Variants in HACD2 observed in about 807,000 individuals in gnomAD.
The protein encoded by HACD2 is 3-hydroxyacyl-CoA dehydratase 2, also known as very-long-chain (3R)-3-hydroxyacyl-CoA dehydratase 2.
In HACD2, 15 loss-of-function variants were observed where a neutral mutation model predicts 31.0. The observed-to-expected ratio is 0.48, with a 90% CI of 0.32 to 0.75. The LOEUF (loss-of-function observed/expected upper bound fraction) is 0.75. HACD2 is among the 30% of genes least tolerant of loss of function. The pLI is 0.03. For missense variants in HACD2, 283 were observed against 313.0 expected, an observed-to-expected ratio of 0.90 and a Z score of 0.72; for synonymous variants, 115 against 122.2, an observed-to-expected ratio of 0.94 and a Z score of 0.39.
intron 2 of HACD2, among the ~76,000 whole-genome samples, chr3:123,571,776 T>C (rs897550120): frequency 6.6e-6 from 1 of 152,232 alleles, no homozygotes; most frequent in Non-Finnish European, 1.5e-5. Context: ...AGCTAATCGA[T>C]GAGCATTGTT....
chr3:123,543,473 G>A (rs2056518190), intron 3 of HACD2, among the ~76,000 whole-genome samples: 1 of 152,106 alleles, frequency 6.6e-6, no homozygotes, highest in South Asian at 2.1e-4. Flanking sequence ...AGGAAAAACT[G>A]TTACCTCTGA....
At chr3:123,574,379 T>C (rs2056886571) in intron 2 of HACD2, among the ~76,000 whole-genome samples, 1 of 152,250 alleles carries the variant, frequency 6.6e-6, no homozygotes, top group African/African-American at 2.4e-5. Flanking sequence ...ATTGTTAGAC[T>C]TTAGTTTTTA....
intron 2 of HACD2, among the ~76,000 whole-genome samples, chr3:123,580,619 A>G (rs1054673718): frequency 2.6e-5 from 4 of 151,842 alleles, no homozygotes; most frequent in African/African-American, 9.7e-5. Context: ...CCCTGTCTCT[A>G]TGAAGTTTTA....
Position 123,526,513 on chromosome 3 carries a change from T to C in HACD2, c.381+1873A>G, listed in dbSNP as rs116464995. On this transcript the variant is annotated intron_variant, in intron 4 of 6. Coordinates refer to ENST00000383657, the MANE Select transcript of HACD2 (RefSeq NM_198402.5). ...GTACTACATACTTCAGAAAATGATA[T>C]GCCTTTTCTTTTTCTTTTCCTTTTT... Among the ~76,000 whole-genome samples the C allele has an allele frequency of 1.7e-4, 26 of 151,450 alleles. 1 individual carries two copies. Among genetic ancestry groups the C allele is most frequent in the African/African-American group, 3.1e-4 (13 of 41,358 alleles).
chr3:123,543,411 G>A (rs1470471677), intron 3 of HACD2, among the ~76,000 whole-genome samples: 1 of 149,862 alleles, frequency 6.7e-6, no homozygotes, highest in Non-Finnish European at 1.5e-5. Flanking sequence ...GTAAATCAAG[G>A]GAAAGAATCA....
chr3:123,514,698 C>T (rs1263570909), intron 4 of HACD2, among the ~76,000 whole-genome samples: 4 of 152,022 alleles, frequency 2.6e-5, no homozygotes, highest in South Asian at 2.1e-4. Context: ...GTAAACAAGC[C>T]GAAGACAAGG....
At chr3:123,521,584 C>A (rs1472895046) in intron 4 of HACD2, among the ~76,000 whole-genome samples, 4 of 149,120 alleles carry the variant, frequency 2.7e-5, no homozygotes. Context: ...GATTTTAGCC[C>A]TTGAGGTGAG....
chr3:123,580,018 G>A (rs1322659845), intron 2 of HACD2, among the ~76,000 whole-genome samples: 1 of 151,944 alleles, frequency 6.6e-6, no homozygotes, highest in Non-Finnish European at 1.5e-5. Flanking sequence ...AAATAAAAAG[G>A]TACTCAGGCT....
At chr3:123,497,025 C>A (rs932695747) in intron 6 of HACD2, among the ~76,000 whole-genome samples, 5 of 152,224 alleles carry the variant, frequency 3.3e-5, no homozygotes, top group African/African-American at 1.2e-4. Context: ...AGAGATTCCT[C>A]AGTACCCAGA....
rs1162315795 is a variant in HACD2 at position 123,493,307 on chromosome 3, G to A, written c.*1581C>T. The A allele has an allele frequency of 6.6e-6, 1 of 152,180 alleles. No individual in the cohort carries two copies. Among genetic ancestry groups the A allele is most frequent in the Non-Finnish European group, 1.5e-5 (1 of 68,048 alleles). The allele number at this position is 152,180 out of a possible 1,614,324, so 9.4% of individuals were successfully genotyped here. A position where few individuals can be genotyped will look rare whatever the true frequency, so the allele number is the denominator to read the frequency against. Reference sequence around the variant, plus strand: ...GGAGGTGGAGCTTGCAGTGAGCTGAGATCGCGCCACTGCACTCCAGCCTGG... The same window carrying A: ...GGAGGTGGAGCTTGCAGTGAGCTGAAATCGCGCCACTGCACTCCAGCCTGG... On this transcript the variant is annotated 3_prime_UTR_variant, in exon 7 of 7. Transcript: ENST00000383657.
chr3:123,500,782 T>C, intron 5 of HACD2, 89 bp from the exon 6 acceptor site: 3 of 705,392 alleles, frequency 4.3e-6, no homozygotes, highest in South Asian at 3.7e-5. Flanking sequence ...AGTACTGGTC[T>C]TTTAGAAAAT....
intron 3 of HACD2, among the ~76,000 whole-genome samples, chr3:123,555,415 C>T (rs978339565): frequency 6.6e-6 from 1 of 151,878 alleles, no homozygotes; most frequent in African/African-American, 2.4e-5. Context: ...GATATAAGAT[C>T]AATATATGAA....
chr3:123,551,464 A>T (rs56146489), intron 3 of HACD2, among the ~76,000 whole-genome samples: 32,104 of 151,768 alleles, frequency 0.21, 3,482 homozygotes, highest in East Asian at 0.26. Context: ...ACTAAAAAAA[A>T]ATATATAAAA....
At chr3:123,567,725 T>A in intron 3 of HACD2, 37 bp downstream of exon 3, 1 of 1,296,120 alleles carries the variant, frequency 7.7e-7, no homozygotes, top group East Asian at 2.7e-5. Flanking sequence ...ATAAGCAGAA[T>A]TCACTGTACA....
At chr3:123,582,805 A>G (rs932632655) in intron 1 of HACD2, among the ~76,000 whole-genome samples, 1 of 152,194 alleles carries the variant, frequency 6.6e-6, no homozygotes, top group African/African-American at 2.4e-5. Flanking sequence ...CATACCTTAA[A>G]ATCTATCCTT....
intron 4 of HACD2, among the ~76,000 whole-genome samples, chr3:123,504,842 T>C (rs1422225144): frequency 1.3e-5 from 2 of 151,916 alleles, no homozygotes; most frequent in Admixed American, 1.3e-4. Context: ...AGATTGACCT[T>C]ATGTGATTTA....
At chr3:123,516,094 TAA>T (rs1431468828) in intron 4 of HACD2, among the ~76,000 whole-genome samples, 1 of 152,050 alleles carries the variant, frequency 6.6e-6, no homozygotes, top group African/African-American at 2.4e-5. Flanking sequence ...ATTTTATGTA[TAA>T]AGTGTCCTTT....
intron 2 of HACD2, among the ~76,000 whole-genome samples, chr3:123,572,637 A>C (rs2056866934): frequency 6.6e-6 from 1 of 152,218 alleles, no homozygotes; most frequent in Non-Finnish European, 1.5e-5. Flanking sequence ...TGCACAATAA[A>C]TTACTTGGAA....
intron 3 of HACD2, among the ~76,000 whole-genome samples, chr3:123,553,674 A>G (rs938685835): frequency 4.6e-4 from 70 of 152,238 alleles, no homozygotes; most frequent in African/African-American, 1.6e-3. Context: ...GCTCTAATAT[A>G]AACCACTGCA....
Sources: gnomAD v4.1 joint callset for allele counts (sites outside exome capture counted in the v4.1 genomes callset) on GRCh38, gnomAD v4.1.1 for gene constraint, MANE v1.5 for transcripts, NCBI Gene and HGNC (gene_info 2026-07-23, HGNC 2026-07-21) for gene names.